Variants in TTBK2 observed in about 807,000 individuals in gnomAD.
The protein encoded by TTBK2 is tau-tubulin kinase 2.
Under a neutral mutation model 110.8 loss-of-function variants are expected in TTBK2, and 28 were observed. The ratio of observed to expected loss-of-function variants is 0.25; its 90% CI spans 0.19 to 0.35. TTBK2 has a LOEUF of 0.35. Among genes scored for constraint, TTBK2 ranks in the 10% least tolerant of loss-of-function variants. The pLI is 1.00. For missense variants in TTBK2, 1,369 were observed against 1,500.3 expected, an observed-to-expected ratio of 0.91 and a Z score of 1.45; for synonymous variants, 532 against 527.3, an observed-to-expected ratio of 1.01 and a Z score of -0.12.
chr15:42,788,365 C>CT (rs1291422330), intron 10 of TTBK2, among the ~76,000 whole-genome samples: 1 of 152,128 alleles, frequency 6.6e-6, no homozygotes, highest in African/African-American at 2.4e-5. Context: ...GGTATAGTCT[C>CT]TATCATCAAG....
At chr15:42,881,282 C>CAAAAAAAA (rs10717895) in intron 1 of TTBK2, among the ~76,000 whole-genome samples, 6 of 43,446 alleles carry the variant, frequency 1.4e-4, no homozygotes, top group East Asian at 8.6e-4. Context: ...GCTTCCGTCT[C>CAAAAAAAA]AAAAAAAAAA....
rs1019186926 is a variant in TTBK2, at chr15:42,783,492, G to A, written c.1124C>T (p.Pro375Leu). 11 of 1,613,974 alleles carry A rather than the reference G, an allele frequency of 6.8e-6. No individual in the cohort carries two copies. The Admixed American group carries it at 1.2e-4, about 17-fold the overall frequency. Residue 375 changes from proline to leucine, a missense_variant, in exon 11 of 15, where the codon CCC becomes CTC. Coordinates refer to ENST00000267890, the MANE Select transcript of TTBK2 (RefSeq NM_173500.4). The stretch of plus-strand genomic sequence containing the variant: ...CCAAACATCCTTCTCCTGGGGACGG[G>A]GGTGTCCCAGAGATCCAGGCAATTT... ...PDKLPGSLGHPRPQEKDVWEE... is the reference protein window; with the variant it reads ...PDKLPGSLGHLRPQEKDVWEE...
At chr15:42,898,033 T>C (rs893669396) in intron 1 of TTBK2, among the ~76,000 whole-genome samples, 3 of 151,982 alleles carry the variant, frequency 2.0e-5, no homozygotes, top group Non-Finnish European at 4.4e-5. Flanking sequence ...CTATAAAAAG[T>C]ATAAAAAATT....
chr15:42,840,396 C>T lies in TTBK2; in HGVS notation c.255G>A (p.Arg85=), dbSNP rs879667318. 9.3e-6 allele frequency: 15 copies of T among 1,613,792 alleles called. No individual in the cohort carries two copies. The highest frequency in any genetic ancestry group is 1.3e-5 in the Non-Finnish European group (15 of 1,179,960). ...TGACCACATAGTTGAATCGATCATTCCTCCCACAGCCAATAAATCTACAAA... is the reference window on the plus strand; with the variant it reads ...TGACCACATAGTTGAATCGATCATTTCTCCCACAGCCAATAAATCTACAAA... ...DHVCRFIGCG[R]NDRFNYVVMQ... The change falls in exon 4 of 15, where the codon AGG becomes AGA. Residue 85 remains arginine, a synonymous_variant. Coordinates refer to ENST00000267890, the MANE Select transcript of TTBK2 (RefSeq NM_173500.4).
In TTBK2 at chr15:42,811,239, T is replaced by C. The variant is rs530816047; in HGVS notation, c.696+449A>G. 2.0e-5 allele frequency among the ~76,000 whole-genome samples: 3 copies of C among 152,258 alleles called. No homozygotes were observed. In the South Asian group the frequency reaches 6.2e-4, roughly 32 times the overall value. ...GAATTTTTGGGCTCAAGTGATCCTCTTGCCTCAGCCTCCCAAGGTGCTAGG... is the reference window on the plus strand; with the variant it reads ...GAATTTTTGGGCTCAAGTGATCCTCCTGCCTCAGCCTCCCAAGGTGCTAGG... On this transcript the variant is annotated intron_variant, in intron 8 of 14. Transcript: ENST00000267890.
intron 1 of TTBK2, among the ~76,000 whole-genome samples, chr15:42,882,217 C>T (rs1895077559): frequency 6.6e-6 from 1 of 151,744 alleles, no homozygotes; most frequent in Non-Finnish European, 1.5e-5. Context: ...ACAATAAGCA[C>T]AACACACACA....
chr15:42,912,124 G>A (rs1252387040), intron 1 of TTBK2, among the ~76,000 whole-genome samples: 1 of 152,176 alleles, frequency 6.6e-6, no homozygotes, highest in Non-Finnish European at 1.5e-5. Flanking sequence ...CTTATTGGGA[G>A]AAAGAATACA....
In TTBK2 at chr15:42,892,498, G is replaced by C. The variant is rs148196365; in HGVS notation, c.-67-13814C>G. ...GAGGCAGGTGGATTGATTGAGCTCA[G>C]GGGTTCAAGACCAACCTAAGCAACA... On this transcript the variant is annotated intron_variant, in intron 1 of 14. Transcript: ENST00000267890. 1.3e-3 allele frequency among the ~76,000 whole-genome samples: 195 copies of C among 152,014 alleles called. 1 individual carries two copies. Among genetic ancestry groups the C allele is most frequent in the African/African-American group, 4.6e-3 (192 of 41,446 alleles).
At chr15:42,806,072 TGGCC>T (rs2140911253) in intron 9 of TTBK2, among the ~76,000 whole-genome samples, 1 of 152,290 alleles carries the variant, frequency 6.6e-6, no homozygotes, top group African/African-American at 2.4e-5. Context: ...GAGACCAGCC[TGGCC>T]AACATGGCAA....
rs2061754764 is a variant in TTBK2 at position 42,742,030 on chromosome 15, T to C, written c.*3765A>G. 6.6e-6 allele frequency: 1 copy of C among 152,186 alleles called. No homozygotes were observed. The highest frequency in any genetic ancestry group is 2.1e-4 in the South Asian group (1 of 4,832). The allele number at this position is 152,186 out of a possible 1,614,324, so 9.4% of individuals were successfully genotyped here. A position where few individuals can be genotyped will look rare whatever the true frequency, so the allele number is the denominator to read the frequency against. ...GAATGCAACTATAGAAGTATTAGCA[T>C]AAAAATATGTGGCCTGGAAGGAATC... On this transcript the variant is annotated 3_prime_UTR_variant, in exon 15 of 15. Coordinates refer to ENST00000267890, the MANE Select transcript of TTBK2 (RefSeq NM_173500.4).
In TTBK2 at chr15:42,775,066, AC is replaced by A; in HGVS notation, c.1998+68del. On this transcript the variant is annotated intron_variant, in intron 13 of 14. Coordinates refer to ENST00000267890, the MANE Select transcript of TTBK2 (RefSeq NM_173500.4). ...TGTACTGAAGTATCTTAGTTGATCA[AC>A]TGTTAGTCCTTTCTTAATAGCACCT... 2.0e-6 allele frequency: 3 copies of A among 1,531,024 alleles called. No homozygotes were observed. In the South Asian group the frequency reaches 3.4e-5, roughly 17 times the overall value. The allele number at this position is 1,531,024 out of a possible 1,614,324, so 94.8% of individuals were successfully genotyped here.
At chr15:42,803,208 T>C (rs1307476602) in intron 9 of TTBK2, among the ~76,000 whole-genome samples, 1 of 152,268 alleles carries the variant, frequency 6.6e-6, no homozygotes, top group East Asian at 1.9e-4. Context: ...ACCTAGGCTA[T>C]ATAGTATAGC....
intron 1 of TTBK2, among the ~76,000 whole-genome samples, chr15:42,900,897 A>G (rs1233532759): frequency 2.0e-5 from 3 of 152,188 alleles, no homozygotes; most frequent in African/African-American, 7.2e-5. Context: ...ATTTTCAACA[A>G]GAGTCCCAAG....
rs1228727100 is a variant in TTBK2, at chr15:42,745,824, T to C, written c.3706A>G (p.Ser1236Gly). The C allele has an allele frequency of 8.1e-6, 13 of 1,614,054 alleles. No individual in the cohort carries two copies. The Admixed American group carries it at 2.2e-4, about 27-fold the overall frequency. Reference protein sequence around the residue: ...SASTKTPQGKSKPASKLSR With the variant: ...SASTKTPQGKGKPASKLSR ...CTGCTGAGTTTACTGGCTGGCTTAC[T>C]CTTCCCTTGGGGGGTTTTAGTGCTG... Residue 1236 changes from serine to glycine, a missense_variant, in exon 15 of 15, where the codon AGT (serine) becomes GGT (glycine). Transcript: ENST00000267890.
intron 9 of TTBK2, among the ~76,000 whole-genome samples, chr15:42,803,806 C>T (rs180782261): frequency 3.3e-5 from 5 of 151,832 alleles, no homozygotes; most frequent in Non-Finnish European, 4.4e-5. Flanking sequence ...CAAGGCGGGC[C>T]GATCACCTGA....
chr15:42,876,230 C>T (rs1894815529), intron 2 of TTBK2, among the ~76,000 whole-genome samples: 1 of 152,038 alleles, frequency 6.6e-6, no homozygotes, highest in South Asian at 2.1e-4. Flanking sequence ...AAACACCATC[C>T]ATAACAGTGA....
rs2061765155 is a variant in TTBK2, at chr15:42,744,065, C to G, written c.*1730G>C. ...TATTATACAATATAATACAGAAGGA[C>G]TGATCTTCCAATATTACAGTTGCTT... On this transcript the variant is annotated 3_prime_UTR_variant, in exon 15 of 15. Coordinates refer to ENST00000267890, the MANE Select transcript of TTBK2 (RefSeq NM_173500.4). 1 of 152,152 alleles carries G rather than the reference C, an allele frequency of 6.6e-6. No individual in the cohort carries two copies. Among genetic ancestry groups the G allele is most frequent in the South Asian group, 2.1e-4 (1 of 4,834 alleles). 9.4% of individuals were successfully genotyped at this position (152,152 alleles called of 1,614,324 possible). A position where few individuals can be genotyped will look rare whatever the true frequency, so the allele number is the denominator to read the frequency against.
At chr15:42,793,035 A>T (rs1243851995) in intron 10 of TTBK2, among the ~76,000 whole-genome samples, 1 of 152,226 alleles carries the variant, frequency 6.6e-6, no homozygotes, top group Non-Finnish European at 1.5e-5. Flanking sequence ...GACTGGCTCC[A>T]GCTCTGCCAC....
intron 7 of TTBK2, among the ~76,000 whole-genome samples, chr15:42,815,915 T>C (rs1401680205): frequency 1.0e-5 from 1 of 100,004 alleles, no homozygotes; most frequent in Non-Finnish European, 1.7e-5. Context: ...TATTTAAAAA[T>C]ATATATATAT....
Sources: gnomAD v4.1 joint callset for allele counts (sites outside exome capture counted in the v4.1 genomes callset) on GRCh38, gnomAD v4.1.1 for gene constraint, MANE v1.5 for transcripts, NCBI Gene and HGNC (gene_info 2026-07-23, HGNC 2026-07-21) for gene names.